Variants in MRO observed in about 807,000 individuals in gnomAD.
MRO encodes the protein protein maestro.
A neutral mutation model predicts 31.0 loss-of-function variants in MRO; 28 were observed. The ratio of observed to expected loss-of-function variants is 0.90; its 90% CI spans 0.67 to 1.24. The LOEUF is 1.24. MRO is among the 50% of genes most tolerant of loss of function. The probability of loss-of-function intolerance (pLI) is 0.00; values close to 1 mark genes in which losing one functional copy is unlikely to be tolerated. For synonymous variants in MRO, 108 were observed against 108.4 expected (o/e 1.00, Z 0.02); for missense variants, 332 against 289.2 (o/e 1.15, Z -1.07).
In MRO at chr18:50,798,627, C is replaced by T. The variant is rs971500971; in HGVS notation, c.*710G>A. ...TGTCGCAAGTATTAAATAGAACTTA[C>T]AAAAAGCACTTTGACCGTGCCCACT... is the stretch of plus-strand genomic sequence containing the variant. On this transcript the variant is annotated 3_prime_UTR_variant, in exon 8 of 8. Transcript: ENST00000398439. 1.3e-5 allele frequency: 2 copies of T among 152,144 alleles called. No homozygotes were observed. The highest frequency in any genetic ancestry group is 6.5e-5 in the Admixed American group (1 of 15,278). The allele number at this position is 152,144 out of a possible 1,614,324, so 9.4% of individuals were successfully genotyped here.
In MRO at chr18:50,802,824, A is replaced by G. The variant is rs1913488699; in HGVS notation, c.430-1320T>C. Among the ~76,000 whole-genome samples, 3 of 151,744 alleles carry G rather than the reference A, an allele frequency of 2.0e-5. No homozygotes were observed. In the South Asian group the frequency reaches 6.2e-4, roughly 32 times the overall value. On this transcript the variant is annotated intron_variant, in intron 5 of 7. Coordinates refer to ENST00000398439, the MANE Select transcript of MRO (RefSeq NM_031939.6). ...ACCCTCATGCCTCAGCCTCCTAAGT[A>G]GCTGGGATTACAGGCACACACCACC...
intron 2 of MRO, among the ~76,000 whole-genome samples, chr18:50,817,998 C>CA (rs1194059113): frequency 1.6e-5 from 2 of 128,212 alleles, no homozygotes; most frequent in Admixed American, 8.0e-5. Flanking sequence ...ACTCCCACCC[C>CA]CCGCCCCATG....
chr18:50,814,180 A>C (rs999684673), intron 2 of MRO, among the ~76,000 whole-genome samples: 1 of 152,110 alleles, frequency 6.6e-6, no homozygotes. Flanking sequence ...CTCCTGTCCC[A>C]TGTTGAACGA....
Position 50,804,032 on chromosome 18 carries a change from A to C in MRO, c.429+1122T>G, listed in dbSNP as rs549827763. 4.6e-5 allele frequency among the ~76,000 whole-genome samples: 7 copies of C among 151,252 alleles called. No individual in the cohort carries two copies. In the East Asian group the frequency reaches 9.6e-4, roughly 21 times the overall value. On this transcript the variant is annotated intron_variant, in intron 5 of 7. Coordinates refer to ENST00000398439, the MANE Select transcript of MRO (RefSeq NM_031939.6). ...ATCTGGTAGTTGAGTGTAGCCCTAT[A>C]GTCAGAGGAGCTGGTGGCATGTCCA...
chr18:50,804,964 T>A (rs1913760565), intron 5 of MRO, among the ~76,000 whole-genome samples, 190 bp downstream of exon 5: 1 of 152,004 alleles, frequency 6.6e-6, no homozygotes, highest in African/African-American at 2.4e-5. Flanking sequence ...GCTAGTTCTT[T>A]GTATTTTAGT....
chr18:50,801,947 G>A (rs1483053044), intron 5 of MRO, among the ~76,000 whole-genome samples: 8 of 152,060 alleles, frequency 5.3e-5, no homozygotes, highest in Non-Finnish European at 8.8e-5. Context: ...AGCTAATAAA[G>A]TTATGTTTTG....
intron 2 of MRO, among the ~76,000 whole-genome samples, chr18:50,817,548 T>A (rs111321880): frequency 0.041 from 5,225 of 126,956 alleles, 129 homozygotes; most frequent in Non-Finnish European, 0.061. Context: ...TGCCCCAGAA[T>A]TATTGGATCT....
rs761778460 is a variant in MRO, at chr18:50,805,278, A to G, written c.305T>C (p.Val102Ala). 7.4e-6 allele frequency: 12 copies of G among 1,614,024 alleles called. No individual in the cohort carries two copies. The highest frequency in any genetic ancestry group is 1.6e-4 in the Middle Eastern group (1 of 6,084). Reference sequence around the variant, plus strand: ...ACTCTCATGGATGACTTCCAAATTCACAGGGTCATACAGTCCATACACCAG... The same window carrying G: ...ACTCTCATGGATGACTTCCAAATTCGCAGGGTCATACAGTCCATACACCAG... ...DLLVYGLYDP[V>A]NLEVIHESMK... Residue 102 changes from valine to alanine, a missense_variant, in exon 5 of 8, where the codon GTG (valine) becomes GCG (alanine). Transcript: ENST00000398439.
intron 2 of MRO, among the ~76,000 whole-genome samples, chr18:50,813,888 C>A (rs1914669243): frequency 1.3e-5 from 2 of 152,150 alleles, no homozygotes; most frequent in African/African-American, 4.8e-5. Flanking sequence ...CTGTTGGGTA[C>A]CATGCTTATT....
intron 2 of MRO, among the ~76,000 whole-genome samples, chr18:50,809,639 C>G (rs946603817): frequency 6.6e-6 from 1 of 152,238 alleles, no homozygotes; most frequent in Admixed American, 6.5e-5. Context: ...TCTAGTTCCC[C>G]ACTCCATTCT....
At chr18:50,801,581 C>T in intron 5 of MRO, 77 bp from the exon 6 acceptor site, 1 of 1,387,400 alleles carries the variant, frequency 7.2e-7, no homozygotes, top group African/African-American at 1.4e-5. Context: ...ACATCACAGC[C>T]ATCGGTCAGA....
In MRO at chr18:50,806,829, G is replaced by A. The variant is rs371333006; in HGVS notation, c.121C>T (p.Gln41Ter). Reference protein sequence around the residue: ...FSKVSWKLRFQKREPLKNVFF... With the variant: ...FSKVSWKLRF Reference sequence around the variant, plus strand: ...ACATTCTTCAGAGGCTCCCGCTTCTGGAACCTCAGTTTCCAAGAGACCTGG... The same window carrying A: ...ACATTCTTCAGAGGCTCCCGCTTCTAGAACCTCAGTTTCCAAGAGACCTGG... Residue 41 changes from glutamine (Q) to a stop codon, truncating the protein, a stop_gained, in exon 4 of 8, where the codon CAG becomes TAG. Coordinates refer to ENST00000398439, the MANE Select transcript of MRO (RefSeq NM_031939.6). LOFTEE classifies it high-confidence loss of function. The A allele has an allele frequency of 2.7e-5, 44 of 1,613,984 alleles. No individual in the cohort carries two copies. Among genetic ancestry groups the A allele is most frequent in the Non-Finnish European group, 3.7e-5 (44 of 1,180,016 alleles).
chr18:50,801,527 A>G, intron 5 of MRO, 23 bp from the exon 6 acceptor site: 1 of 1,567,346 alleles, frequency 6.4e-7, no homozygotes, highest in Middle Eastern at 1.8e-4. Context: ...TCAACAAAAC[A>G]ATAAGAAAGC....
At chr18:50,820,157 C>T, upstream of MRO, 1 of 608,070 alleles carries the variant, frequency 1.6e-6, no homozygotes. Context: ...TCCTTCCTTA[C>T]ATAATCCTGT....
At chr18:50,807,709 C>A (rs1280111258) in intron 3 of MRO, among the ~76,000 whole-genome samples, 1 of 152,220 alleles carries the variant, frequency 6.6e-6, no homozygotes, top group Non-Finnish European at 1.5e-5. Context: ...ATGCATGCAT[C>A]TGAGCATGCA....
rs78230861 is a variant in MRO, at chr18:50,799,037, A to C, written c.*300T>G. 0.03 allele frequency: 6,960 copies of C among 229,864 alleles called. 155 individuals carry two copies. Among genetic ancestry groups the C allele is most frequent in the Non-Finnish European group, 0.041 (4,848 of 118,310 alleles). The allele number at this position is 229,864 out of a possible 1,614,324, so 14.2% of individuals were successfully genotyped here. A position where few individuals can be genotyped will look rare whatever the true frequency, so the allele number is the denominator to read the frequency against. On this transcript the variant is annotated 3_prime_UTR_variant, in exon 8 of 8. Transcript: ENST00000398439. ...ACAGAGATGAACTTAAGAAAGAAAA[A>C]GCTGAGAAATAAGCACTGAATCTAT...
chr18:50,806,186 T>A lies in MRO; in HGVS notation c.246+518A>T, dbSNP rs146456754. Among the ~76,000 whole-genome samples, 1,249 of 152,248 alleles carry A rather than the reference T, an allele frequency of 8.2e-3. 13 individuals carry two copies. The highest frequency in any genetic ancestry group is 0.034 in the Middle Eastern group (10 of 290). ...CTGACTTCAAGTGGTCCACCCGCCT[T>A]GGCCTCCCAAAGTGCTGGAACTGCA... On this transcript the variant is annotated intron_variant, in intron 4 of 7. Transcript: ENST00000398439.
chr18:50,801,098 C>T (rs969486777), intron 6 of MRO, among the ~76,000 whole-genome samples: 4 of 152,110 alleles, frequency 2.6e-5, no homozygotes, highest in Admixed American at 6.6e-5. Flanking sequence ...TGCCCTCAAC[C>T]CCATTACCCT....
intron 2 of MRO, among the ~76,000 whole-genome samples, chr18:50,810,682 C>T (rs767944000): frequency 6.6e-6 from 1 of 152,118 alleles, no homozygotes; most frequent in African/African-American, 2.4e-5. Flanking sequence ...GACTTGGGTC[C>T]AACTAGTACA....
Sources: gnomAD v4.1 joint callset for allele counts (sites outside exome capture counted in the v4.1 genomes callset) on GRCh38, gnomAD v4.1.1 for gene constraint, MANE v1.5 for transcripts, NCBI Gene and HGNC (gene_info 2026-07-23, HGNC 2026-07-21) for gene names.